Variants in SDK1 observed in about 807,000 individuals in gnomAD.
The protein encoded by SDK1 is protein sidekick-1.
Under a neutral mutation model 245.5 loss-of-function variants are expected in SDK1, and 157 were observed. The observed-to-expected ratio is 0.64, with a 90% CI of 0.56 to 0.73. SDK1 has a LOEUF of 0.73. Ranked by LOEUF, SDK1 falls within the 30% of genes least tolerant of loss-of-function variation. The pLI, the probability that SDK1 is intolerant of heterozygous loss-of-function variation, is 0.00. For synonymous variants in SDK1, 1,647 were observed against 1,278.5 expected (o/e 1.29, Z -6.15); for missense variants, 3,583 against 3,002.3 (o/e 1.19, Z -4.52).
chr7:3,410,320 TGTGTAAG>T (rs1387839812), intron 1 of SDK1, among the ~76,000 whole-genome samples: 4 of 152,116 alleles, frequency 2.6e-5, no homozygotes, highest in Non-Finnish European at 5.9e-5. Flanking sequence ...CTTCAGGCTG[TGTGTAAG>T]GTGTTTATGA....
intron 1 of SDK1, among the ~76,000 whole-genome samples, chr7:3,403,879 T>C (rs1778978963): frequency 7.7e-6 from 1 of 130,196 alleles, no homozygotes; most frequent in African/African-American, 2.9e-5. Context: ...AATATATATA[T>C]TTATTTATAT....
Position 4,220,231 on chromosome 7 carries a change from C to A in SDK1, c.5662C>A (p.Pro1888Thr), listed in dbSNP as rs374012962. 46 of 1,613,792 alleles carry A rather than the reference C, an allele frequency of 2.9e-5. No homozygotes were observed. In the African/African-American group the frequency reaches 5.6e-4, roughly 20 times the overall value. The part of the protein sequence containing the change: ...RVQARTITYG[P>T]ELQANITAGP... ...CCAAGCGCGGACCATCACCTACGGG[C>A]CCGAGCTCCAAGCCAATATCACAGC... Residue 1888 changes from proline (P) to threonine (T), a missense_variant, in exon 39 of 45, where the codon CCC becomes ACC. Physicochemically the swap from Pro to Thr is conservative, Grantham distance 38 (BLOSUM62 -1). Coordinates refer to ENST00000404826, the MANE Select transcript of SDK1 (RefSeq NM_152744.4).
In SDK1 at chr7:3,570,300, C is replaced by G. The variant is rs927775884; in HGVS notation, c.299-48780C>G. 3.9e-5 allele frequency among the ~76,000 whole-genome samples: 6 copies of G among 152,110 alleles called. No homozygotes were observed. In the South Asian group the frequency reaches 1.2e-3, roughly 32 times the overall value. ...GTTAGATTCTCATAAGGAGTGTGCA[C>G]CCTAGATCCCTCACGTGCACAGTTC... is the stretch of plus-strand genomic sequence containing the variant. On this transcript the variant is annotated intron_variant, in intron 1 of 44. Transcript: ENST00000404826.
chr7:3,312,644 T>C (rs1388427275), intron 1 of SDK1, among the ~76,000 whole-genome samples: 1 of 152,062 alleles, frequency 6.6e-6, no homozygotes, highest in Non-Finnish European at 1.5e-5. Flanking sequence ...AAAAACTGTA[T>C]TGAAAAATCA....
chr7:3,461,772 C>A (rs1196989277), intron 1 of SDK1, among the ~76,000 whole-genome samples: 1 of 152,128 alleles, frequency 6.6e-6, no homozygotes, highest in Non-Finnish European at 1.5e-5. Context: ...AAATGACTGA[C>A]CTGCATTTAT....
At chr7:4,171,223 G>A (rs557377240) in intron 32 of SDK1, among the ~76,000 whole-genome samples, 168 of 152,334 alleles carry the variant, frequency 1.1e-3, no homozygotes, top group African/African-American at 3.8e-3. Context: ...CTTGCTGATC[G>A]TCTGCCGCCG....
At chr7:4,067,404 G>T (rs1317459281) in intron 19 of SDK1, among the ~76,000 whole-genome samples, 1 of 152,196 alleles carries the variant, frequency 6.6e-6, no homozygotes, top group Non-Finnish European at 1.5e-5. Flanking sequence ...AGGTGAGCCT[G>T]CCCCTGGGCC....
intron 5 of SDK1, among the ~76,000 whole-genome samples, chr7:3,882,503 T>C (rs940697344): frequency 1.3e-5 from 2 of 152,236 alleles, no homozygotes; most frequent in Non-Finnish European, 2.9e-5. Flanking sequence ...AATTTGTGTT[T>C]GGACTCAGTA....
intron 25 of SDK1, among the ~76,000 whole-genome samples, chr7:4,115,658 CAA>C (rs1233480480): frequency 6.6e-6 from 1 of 152,178 alleles, no homozygotes; most frequent in African/African-American, 2.4e-5. Context: ...GCTGGGGAGT[CAA>C]GAGATGGCCA....
intron 4 of SDK1, among the ~76,000 whole-genome samples, chr7:3,731,327 C>T (rs1324574363): frequency 6.6e-6 from 1 of 152,142 alleles, no homozygotes; most frequent in Non-Finnish European, 1.5e-5. Context: ...CTGCTTATGT[C>T]CAGTTTGCTG....
chr7:4,232,433 A>C (rs1347849561), intron 40 of SDK1, among the ~76,000 whole-genome samples: 12 of 34,258 alleles, frequency 3.5e-4, no homozygotes, highest in Non-Finnish European at 6.7e-4. Context: ...TTTTTGTTAT[A>C]ATGTGAAGTC....
intron 15 of SDK1, 135 bp from the exon 16 acceptor site, chr7:4,011,960 T>A (rs1786003848): frequency 1.6e-6 from 1 of 611,712 alleles, no homozygotes; most frequent in African/African-American, 1.9e-5. Context: ...TCATTGGCTG[T>A]GTGTTTTGCT....
intron 20 of SDK1, among the ~76,000 whole-genome samples, chr7:4,070,323 T>G (rs905185530): frequency 6.6e-6 from 1 of 152,150 alleles, no homozygotes; most frequent in Non-Finnish European, 1.5e-5. Flanking sequence ...AGTACTTGTT[T>G]CCTTATCACA....
intron 1 of SDK1, among the ~76,000 whole-genome samples, chr7:3,404,507 A>G (rs1017065646): frequency 4.6e-5 from 7 of 152,222 alleles, no homozygotes; most frequent in South Asian, 2.1e-4. Flanking sequence ...TTTGTCATCT[A>G]AACAACTTGT....
At chr7:4,005,894 G>C (rs146730831) in intron 14 of SDK1, among the ~76,000 whole-genome samples, 2 of 152,216 alleles carry the variant, frequency 1.3e-5, no homozygotes, top group Admixed American at 1.3e-4. Context: ...AGCCGGGCAC[G>C]GTGGCACACA....
chr7:3,923,471 A>G (rs998797723), intron 5 of SDK1, among the ~76,000 whole-genome samples: 3 of 152,152 alleles, frequency 2.0e-5, no homozygotes, highest in Non-Finnish European at 4.4e-5. Context: ...CTCTTCTCTC[A>G]CCAGCACTTA....
At chr7:3,872,921 A>G (rs934129295) in intron 5 of SDK1, among the ~76,000 whole-genome samples, 3 of 152,096 alleles carry the variant, frequency 2.0e-5, no homozygotes, top group Non-Finnish European at 2.9e-5. Flanking sequence ...TTACTTTTAC[A>G]TACAGTATCA....
chr7:4,132,559 A>G, intron 28 of SDK1, 136 bp downstream of exon 28: 1 of 613,390 alleles, frequency 1.6e-6, no homozygotes, highest in Non-Finnish European at 3.0e-6. Flanking sequence ...CCATCTCTCC[A>G]AAGAAAAAAT....
Position 4,162,939 on chromosome 7 carries a change from C to T in SDK1, c.4800+1083C>T, listed in dbSNP as rs143312852. On this transcript the variant is annotated intron_variant, in intron 32 of 44. Coordinates refer to ENST00000404826, the MANE Select transcript of SDK1 (RefSeq NM_152744.4). ...AGGGCTGCAGGCCCCAGGGAGATCC[C>T]AGCTGAAGAGTGGGGCGGGGAGCTG... is the stretch of plus-strand genomic sequence containing the variant. Among the ~76,000 whole-genome samples the T allele has an allele frequency of 5.2e-3, 790 of 152,314 alleles. 13 individuals are homozygous for T. Among genetic ancestry groups the T allele is most frequent in the African/African-American group, 0.017 (698 of 41,564 alleles).
Sources: allele counts gnomAD v4.1 joint callset (sites outside exome capture counted in the v4.1 genomes callset), GRCh38; gene constraint gnomAD v4.1.1; transcripts MANE v1.5; gene names NCBI Gene and HGNC (gene_info 2026-07-23, HGNC 2026-07-21).